ZNF407: variants seen among roughly 807,000 people sequenced by gnomAD.
ZNF407 encodes zinc finger protein 407.
ZNF407 carries 17 observed loss-of-function variants against 131.2 expected under a neutral mutation model. That is an observed-to-expected ratio of 0.13 (90% CI 0.09 to 0.19). ZNF407 has a LOEUF of 0.19. Among genes scored for constraint, ZNF407 ranks in the 10% least tolerant of loss-of-function variants. The pLI is 1.00. For synonymous variants in ZNF407, 1,156 were observed against 1,062.0 expected (o/e 1.09, Z -1.72); for missense variants, 2,681 against 2,830.6 (o/e 0.95, Z 1.20).
At chr18:74,681,980 C>T (rs1356152300) in intron 3 of ZNF407, among the ~76,000 whole-genome samples, 3 of 152,042 alleles carry the variant, frequency 2.0e-5, no homozygotes, top group Admixed American at 6.5e-5. Context: ...GTATAATCAC[C>T]GTAGTTGGTA....
chr18:74,910,587 G>A (rs1971656301), intron 7 of ZNF407, among the ~76,000 whole-genome samples: 1 of 151,968 alleles, frequency 6.6e-6, no homozygotes, highest in Non-Finnish European at 1.5e-5. Flanking sequence ...TTATTGTGAA[G>A]CCTCTTTAAC....
At chr18:74,700,127 T>A (rs1405878669) in intron 3 of ZNF407, among the ~76,000 whole-genome samples, 2 of 152,238 alleles carry the variant, frequency 1.3e-5, no homozygotes. Context: ...TATGTTTCGT[T>A]GAATGGAAAA....
In ZNF407 at chr18:74,804,347, A is replaced by G. The variant is rs1475849489; in HGVS notation, c.4877+22845A>G. On this transcript the variant is annotated intron_variant, in intron 4 of 8. Transcript: ENST00000299687. ...ATGATTCAGGGTTTATTTAAAGCTG[A>G]CTGTCCAATCAAAGTTTTTGTAAGC... 1.6e-5 allele frequency: 17 copies of G among 1,062,290 alleles called. No homozygotes were observed. In the East Asian group the frequency reaches 2.6e-4, roughly 17 times the overall value. 65.8% of individuals were successfully genotyped at this position (1,062,290 alleles called of 1,614,324 possible). A position where few individuals can be genotyped will look rare whatever the true frequency, so the allele number is the denominator to read the frequency against.
intron 3 of ZNF407, among the ~76,000 whole-genome samples, chr18:74,652,397 C>A (rs1375009233): frequency 1.3e-5 from 2 of 151,906 alleles, no homozygotes; most frequent in Non-Finnish European, 2.9e-5. Context: ...TAGCCTTTTC[C>A]TGTTTAAACT....
At chr18:74,678,175 A>G (rs1402497428) in intron 3 of ZNF407, among the ~76,000 whole-genome samples, 5 of 152,090 alleles carry the variant, frequency 3.3e-5, no homozygotes, top group African/African-American at 1.2e-4. Context: ...TCATTACAGT[A>G]ATAACTTGAG....
chr18:74,806,718 T>G (rs922300207), intron 4 of ZNF407, among the ~76,000 whole-genome samples: 2 of 152,218 alleles, frequency 1.3e-5, no homozygotes, highest in African/African-American at 4.8e-5. Context: ...TTTGTCCGAG[T>G]TACTTAACCT....
chr18:75,060,507 C>CTTTTTTTTTTTTTTTTTTTTT, intron 8 of ZNF407, among the ~76,000 whole-genome samples: 1 of 124,462 alleles, frequency 8.0e-6, no homozygotes, highest in Non-Finnish European at 1.6e-5. Context: ...TTCTTTTTTT[C>CTTTTTTTTTTTTTTTTTTTTT]TTTTTTTTTT....
chr18:74,724,531 A>G (rs781724221), intron 3 of ZNF407, among the ~76,000 whole-genome samples: 4 of 152,076 alleles, frequency 2.6e-5, no homozygotes, highest in Non-Finnish European at 4.4e-5. Context: ...CCATGAGATC[A>G]ACTTTTTTTT....
intron 4 of ZNF407, among the ~76,000 whole-genome samples, chr18:74,841,983 T>C (rs879905974): frequency 6.6e-6 from 1 of 152,232 alleles, no homozygotes; most frequent in Non-Finnish European, 1.5e-5. Context: ...CAGTTTAATA[T>C]TATGTTCCTG....
chr18:74,653,041 C>T (rs1018495433), intron 3 of ZNF407, among the ~76,000 whole-genome samples: 1 of 151,900 alleles, frequency 6.6e-6, no homozygotes, highest in Non-Finnish European at 1.5e-5. Flanking sequence ...ATATTTGACT[C>T]CACACCCTAT....
At chr18:74,891,163 T>C (rs1971379856) in intron 7 of ZNF407, among the ~76,000 whole-genome samples, 1 of 152,316 alleles carries the variant, frequency 6.6e-6, no homozygotes, top group South Asian at 2.1e-4. Context: ...GGTCACATTG[T>C]GCCTGAAGCC....
chr18:74,621,592 G>A (rs982215559), intron 1 of ZNF407, among the ~76,000 whole-genome samples: 2 of 152,100 alleles, frequency 1.3e-5, no homozygotes, highest in African/African-American at 2.4e-5. Flanking sequence ...AAATGTCCCT[G>A]CTACATGGTA....
At chr18:74,722,223 C>T (rs551110935) in intron 3 of ZNF407, among the ~76,000 whole-genome samples, 134 of 152,072 alleles carry the variant, frequency 8.8e-4, no homozygotes, top group Non-Finnish European at 1.3e-3. Flanking sequence ...CCGTATTTCT[C>T]GTAGGATCCT....
intron 3 of ZNF407, among the ~76,000 whole-genome samples, chr18:74,685,196 G>A (rs896068636): frequency 6.6e-6 from 1 of 152,016 alleles, no homozygotes; most frequent in African/African-American, 2.4e-5. Context: ...TGTTTTAATT[G>A]TCTATTTTTT....
chr18:75,008,125 A>G (rs1972932864), intron 8 of ZNF407, among the ~76,000 whole-genome samples: 1 of 152,150 alleles, frequency 6.6e-6, no homozygotes, highest in Non-Finnish European at 1.5e-5. Flanking sequence ...CATGCCAAGG[A>G]GTTTAGACTT....
intron 8 of ZNF407, among the ~76,000 whole-genome samples, chr18:74,948,392 T>C (rs1404738157): frequency 6.6e-6 from 1 of 152,208 alleles, no homozygotes; most frequent in Non-Finnish European, 1.5e-5. Flanking sequence ...TAAAACAACA[T>C]GTTCCAGATT....
chr18:74,930,261 A>G (rs1971966946), intron 8 of ZNF407, among the ~76,000 whole-genome samples: 1 of 152,196 alleles, frequency 6.6e-6, no homozygotes, highest in African/African-American at 2.4e-5. Flanking sequence ...CTCATGATTT[A>G]ATTGAAGTCA....
rs557753187 is a variant in ZNF407, at chr18:74,959,598, T to C, written c.5428+38906T>C. On this transcript the variant is annotated intron_variant, in intron 8 of 8. Coordinates refer to ENST00000299687, the MANE Select transcript of ZNF407 (RefSeq NM_017757.3). ...CCCACTTAGAGAAAACTTGCCAATT[T>C]TGACATCTCTAAACGGAATACACTT... 1.5e-3 allele frequency among the ~76,000 whole-genome samples: 222 copies of C among 152,326 alleles called. 1 individual carries two copies. Among genetic ancestry groups the C allele is most frequent in the African/African-American group, 4.9e-3 (205 of 41,566 alleles).
At chr18:75,029,441 C>G (rs551375174) in intron 8 of ZNF407, among the ~76,000 whole-genome samples, 21 of 152,210 alleles carry the variant, frequency 1.4e-4, no homozygotes, top group Non-Finnish European at 2.6e-4. Context: ...TCTCTCTCCA[C>G]TAAGGAAGTG....
Sources: allele counts gnomAD v4.1 joint callset (sites outside exome capture counted in the v4.1 genomes callset), GRCh38; gene constraint gnomAD v4.1.1; transcripts MANE v1.5; gene names NCBI Gene and HGNC (gene_info 2026-07-23, HGNC 2026-07-21).